Variants in RIMS1 observed in about 807,000 individuals in gnomAD.
RIMS1 encodes the protein regulating synaptic membrane exocytosis protein 1.
Under a neutral mutation model 214.1 loss-of-function variants are expected in RIMS1, and 83 were observed. The observed-to-expected ratio is 0.39, with a 90% CI of 0.32 to 0.47. The LOEUF (loss-of-function observed/expected upper bound fraction) is 0.47, where lower values mean the gene tolerates loss of function less well. RIMS1 is among the 20% of genes least tolerant of loss of function. The probability of loss-of-function intolerance (pLI) is 0.99; values close to 1 mark genes in which losing one functional copy is unlikely to be tolerated. For synonymous variants in RIMS1, 793 were observed against 786.8 expected, an observed-to-expected ratio of 1.01 and a Z score of -0.13; for missense variants, 2,050 against 2,161.8, an observed-to-expected ratio of 0.95 and a Z score of 1.03.
At chr6:72,389,511 A>G (rs571672052) in intron 29 of RIMS1, among the ~76,000 whole-genome samples, 3 of 152,198 alleles carry the variant, frequency 2.0e-5, no homozygotes, top group Non-Finnish European at 4.4e-5. Context: ...CAAAAATGAG[A>G]GGGAAAAAAT....
rs369814574 is a variant in RIMS1, at chr6:72,234,069, T to C, written c.1746+229T>C. 1.3e-4 allele frequency among the ~76,000 whole-genome samples: 20 copies of C among 152,088 alleles called. No homozygotes were observed. In the East Asian group the frequency reaches 3.9e-3, roughly 29 times the overall value. On this transcript the variant is annotated intron_variant, in intron 7 of 33. Transcript: ENST00000521978. ...ATAATTACTATAAGTAAGATTGAGA[T>C]GTTTGGTTATGGATATTGACATTAA...
intron 6 of RIMS1, among the ~76,000 whole-genome samples, chr6:72,185,415 G>C (rs1393596504): frequency 6.6e-6 from 1 of 152,112 alleles, no homozygotes; most frequent in Non-Finnish European, 1.5e-5. Context: ...GAAAGAGATT[G>C]TGGATATGAT....
chr6:71,891,027 T>G (rs574165973), intron 1 of RIMS1, among the ~76,000 whole-genome samples: 6 of 152,356 alleles, frequency 3.9e-5, no homozygotes, highest in Admixed American at 1.3e-4. Context: ...TTCATTTATA[T>G]TTTCTTTAAA....
At chr6:71,905,167 C>T (rs567689143) in intron 1 of RIMS1, among the ~76,000 whole-genome samples, 1 of 151,686 alleles carries the variant, frequency 6.6e-6, no homozygotes, top group Admixed American at 6.6e-5. Flanking sequence ...TAGCACTAAA[C>T]TCTGAGGACT....
rs143611547 is a variant in RIMS1 at position 71,916,507 on chromosome 6, A to T, written c.164+29320A>T. Among the ~76,000 whole-genome samples, 74 of 152,268 alleles carry T rather than the reference A, an allele frequency of 4.9e-4. 2 individuals carry two copies. The East Asian group carries it at 0.013, about 28-fold the overall frequency. On this transcript the variant is annotated intron_variant, in intron 1 of 33. Coordinates refer to ENST00000521978, the MANE Select transcript of RIMS1 (RefSeq NM_014989.7). ...AGTGGTTAATGAGTCACCTGAACCA[A>T]CTGGTATTTGTATTCTAAGAATTCA...
At chr6:72,222,072 TA>T (rs2058630675) in intron 6 of RIMS1, among the ~76,000 whole-genome samples, 1 of 152,036 alleles carries the variant, frequency 6.6e-6, no homozygotes, top group South Asian at 2.1e-4. Flanking sequence ...TAAAAAATTA[TA>T]AAATATGAAA....
intron 6 of RIMS1, among the ~76,000 whole-genome samples, chr6:72,207,566 A>G (rs1363430792): frequency 6.6e-6 from 1 of 152,194 alleles, no homozygotes; most frequent in African/African-American, 2.4e-5. Flanking sequence ...CTATTACTTC[A>G]GATAGCATTA....
intron 1 of RIMS1, among the ~76,000 whole-genome samples, chr6:71,968,140 A>C (rs147630407): frequency 1.1e-4 from 17 of 152,314 alleles, no homozygotes; most frequent in African/African-American, 3.6e-4. Context: ...TCTCTATTCA[A>C]AGCCATGTTT....
intron 29 of RIMS1, among the ~76,000 whole-genome samples, chr6:72,369,001 G>A (rs535447294): frequency 3.3e-5 from 5 of 151,212 alleles, no homozygotes; most frequent in African/African-American, 9.7e-5. Context: ...GAAACAGGAT[G>A]TAACCAGCTT....
In RIMS1 at chr6:71,946,900, G is replaced by A. The variant is rs577355729; in HGVS notation, c.165-22083G>A. ...TTGCAAAATGTACATCTGATAAGAG[G>A]TTAGTATCCAAAACACAAAAGGAAC... On this transcript the variant is annotated intron_variant, in intron 1 of 33. Coordinates refer to ENST00000521978, the MANE Select transcript of RIMS1 (RefSeq NM_014989.7). Among the ~76,000 whole-genome samples, 147 of 152,058 alleles carry A rather than the reference G, an allele frequency of 9.7e-4. 1 individual carries two copies. The highest frequency in any genetic ancestry group is 3.4e-3 in the African/African-American group (141 of 41,490).
chr6:71,967,261 G>A (rs577130762), intron 1 of RIMS1, among the ~76,000 whole-genome samples: 50 of 152,078 alleles, frequency 3.3e-4, no homozygotes, highest in African/African-American at 1.2e-4. Context: ...GGTGGTGGGC[G>A]CCTGTAGTCC....
chr6:72,037,513 T>A (rs895282249), intron 2 of RIMS1, among the ~76,000 whole-genome samples: 15 of 151,782 alleles, frequency 9.9e-5, no homozygotes, highest in African/African-American at 3.4e-4. Flanking sequence ...AGGTTTTAGT[T>A]TTTTTTTAAC....
intron 1 of RIMS1, among the ~76,000 whole-genome samples, chr6:71,913,237 G>A (rs1777435567): frequency 6.6e-6 from 1 of 152,086 alleles, no homozygotes; most frequent in Non-Finnish European, 1.5e-5. Context: ...ATATTTAAAT[G>A]TGGGTCTTAT....
chr6:72,378,164 A>C (rs2098423037), intron 29 of RIMS1, among the ~76,000 whole-genome samples: 1 of 152,192 alleles, frequency 6.6e-6, no homozygotes, highest in Non-Finnish European at 1.5e-5. Flanking sequence ...TTTAGTGATA[A>C]CTAATTACAT....
intron 4 of RIMS1, among the ~76,000 whole-genome samples, chr6:72,174,620 T>C (rs548356419): frequency 3.3e-5 from 5 of 152,328 alleles, no homozygotes; most frequent in South Asian, 2.1e-4. Context: ...AAGGACTAGG[T>C]AAGTGATATT....
chr6:72,215,425 G>A (rs2055459941), intron 6 of RIMS1, among the ~76,000 whole-genome samples: 1 of 152,178 alleles, frequency 6.6e-6, no homozygotes, highest in Non-Finnish European at 1.5e-5. Flanking sequence ...ATGGTGTAGT[G>A]AAAAGCTCAT....
chr6:72,006,703 A>G (rs1401544690), intron 2 of RIMS1, among the ~76,000 whole-genome samples: 3 of 152,222 alleles, frequency 2.0e-5, no homozygotes, highest in Non-Finnish European at 4.4e-5. Context: ...GGAGGGTCCT[A>G]TGCCCATGGA....
At chr6:71,974,598 T>G (rs1315090775) in intron 2 of RIMS1, among the ~76,000 whole-genome samples, 1 of 152,050 alleles carries the variant, frequency 6.6e-6, no homozygotes, top group Non-Finnish European at 1.5e-5. Context: ...TAGAGAAGAT[T>G]TGAGAAAATT....
chr6:72,349,824 T>A (rs2097382115), intron 29 of RIMS1, among the ~76,000 whole-genome samples: 1 of 152,022 alleles, frequency 6.6e-6, no homozygotes. Flanking sequence ...CAATTGTTTT[T>A]AAAAAGGAAA....
Sources: allele counts gnomAD v4.1 joint callset (sites outside exome capture counted in the v4.1 genomes callset), GRCh38; gene constraint gnomAD v4.1.1; transcripts MANE v1.5; gene names NCBI Gene and HGNC (gene_info 2026-07-23, HGNC 2026-07-21).